The following MACROD2 variants were observed in gnomAD, a reference collection of about 807,000 sequenced individuals.
MACROD2 encodes ADP-ribose glycohydrolase MACROD2.
A neutral mutation model predicts 70.4 loss-of-function variants in MACROD2; 36 were observed. That is an observed-to-expected ratio of 0.51 (90% CI 0.39 to 0.68). The LOEUF (loss-of-function observed/expected upper bound fraction) is 0.68. Ranked by LOEUF, MACROD2 falls within the 30% of genes least tolerant of loss-of-function variation. The pLI, the probability that MACROD2 is intolerant of heterozygous loss-of-function variation, is 0.00. For missense variants in MACROD2, 496 were observed against 538.4 expected (o/e 0.92, Z 0.78); for synonymous variants, 172 against 178.8 (o/e 0.96, Z 0.30).
intron 4 of MACROD2, among the ~76,000 whole-genome samples, chr20:14,640,495 T>C (rs1985030180): frequency 6.6e-6 from 1 of 152,204 alleles, no homozygotes; most frequent in Non-Finnish European, 1.5e-5. Context: ...AGGAGCTTTA[T>C]AGTCTACTGG....
intron 3 of MACROD2, among the ~76,000 whole-genome samples, chr20:14,364,094 T>C (rs1433665187): frequency 6.6e-6 from 1 of 152,166 alleles, no homozygotes; most frequent in Non-Finnish European, 1.5e-5. Flanking sequence ...TTTCTACTTT[T>C]AGAATTCTTG....
chr20:14,204,884 A>ATCATTATCAATTATT (rs2081510416), intron 3 of MACROD2, among the ~76,000 whole-genome samples: 2 of 152,190 alleles, frequency 1.3e-5, no homozygotes, highest in African/African-American at 4.8e-5. Context: ...TCATTTTTTA[A>ATCATTATCAATTATT]AGAACTGTAG....
chr20:14,798,659 G>C (rs2072539278), intron 5 of MACROD2, among the ~76,000 whole-genome samples: 1 of 151,978 alleles, frequency 6.6e-6, no homozygotes, highest in Non-Finnish European at 1.5e-5. Context: ...TATAATTTAG[G>C]AAGTAAATTG....
chr20:15,771,801 TG>T (rs1376334313), intron 8 of MACROD2, among the ~76,000 whole-genome samples: 6 of 151,870 alleles, frequency 4.0e-5, no homozygotes, highest in African/African-American at 1.4e-4. Context: ...AAAATCTTTC[TG>T]GGCCAGGCAC....
At chr20:14,512,453 G>C (rs2085041742) in intron 4 of MACROD2, among the ~76,000 whole-genome samples, 1 of 152,100 alleles carries the variant, frequency 6.6e-6, no homozygotes, top group Admixed American at 6.6e-5. Flanking sequence ...TAGACTGAAT[G>C]AATGAAATAA....
rs150719919 is a variant in MACROD2, at chr20:14,151,127, G to T, written c.271+65399G>T. On this transcript the variant is annotated intron_variant, in intron 3 of 17. Transcript: ENST00000684519. ...GTCACTTCATGATAGTAGAAGAGTT[G>T]TGGAGGAAAGACGTTAAATCATTTG... Among the ~76,000 whole-genome samples, 434 of 152,316 alleles carry T rather than the reference G, an allele frequency of 2.8e-3. 2 individuals carry two copies. The highest frequency in any genetic ancestry group is 0.014 in the Middle Eastern group (4 of 294).
intron 5 of MACROD2, among the ~76,000 whole-genome samples, chr20:14,803,308 ATT>A (rs1345168405): frequency 6.6e-6 from 1 of 152,098 alleles, no homozygotes; most frequent in Non-Finnish European, 1.5e-5. Context: ...AGTGAAATAT[ATT>A]GGCATTTTTA....
At chr20:14,173,384 C>T (rs910096298) in intron 3 of MACROD2, among the ~76,000 whole-genome samples, 3 of 152,054 alleles carry the variant, frequency 2.0e-5, no homozygotes, top group African/African-American at 7.2e-5. Flanking sequence ...GAAGTTCTTT[C>T]TTCTACTTTT....
intron 6 of MACROD2, among the ~76,000 whole-genome samples, chr20:15,291,635 T>C (rs2077541474): frequency 6.6e-6 from 1 of 152,168 alleles, no homozygotes; most frequent in Non-Finnish European, 1.5e-5. Context: ...AACAAATGGT[T>C]AGACTGTCTT....
chr20:15,234,467 A>G (rs570389422), intron 6 of MACROD2, among the ~76,000 whole-genome samples: 3 of 152,232 alleles, frequency 2.0e-5, no homozygotes, highest in African/African-American at 7.2e-5. Flanking sequence ...AAAGAAGACC[A>G]GGGAGCCTAC....
intron 4 of MACROD2, among the ~76,000 whole-genome samples, chr20:14,551,012 T>C (rs1978617222): frequency 6.6e-6 from 1 of 152,166 alleles, no homozygotes; most frequent in Non-Finnish European, 1.5e-5. Context: ...ATGCAGAAGA[T>C]ATTCAAGTTG....
At chr20:14,846,027 G>T (rs1222260935) in intron 5 of MACROD2, among the ~76,000 whole-genome samples, 1 of 152,078 alleles carries the variant, frequency 6.6e-6, no homozygotes, top group Admixed American at 6.5e-5. Flanking sequence ...TTATCCAGGT[G>T]TTCTATGGCT....
intron 3 of MACROD2, among the ~76,000 whole-genome samples, chr20:14,318,333 G>T (rs181135113): frequency 6.6e-6 from 1 of 152,104 alleles, no homozygotes; most frequent in Non-Finnish European, 1.5e-5. Context: ...CCACACCCCC[G>T]TGGCTGCATG....
At chr20:14,988,023 C>A (rs1349147147) in intron 5 of MACROD2, among the ~76,000 whole-genome samples, 1 of 151,820 alleles carries the variant, frequency 6.6e-6, no homozygotes, top group African/African-American at 2.4e-5. Flanking sequence ...GGAAATTGGA[C>A]GATTTTGGTT....
At chr20:14,737,714 G>A (rs978411532) in intron 5 of MACROD2, among the ~76,000 whole-genome samples, 1 of 152,258 alleles carries the variant, frequency 6.6e-6, no homozygotes, top group African/African-American at 2.4e-5. Flanking sequence ...GTGATGATGA[G>A]CTTTTTTTCA....
At chr20:15,082,404 G>C (rs1211905910) in intron 5 of MACROD2, among the ~76,000 whole-genome samples, 2 of 152,100 alleles carry the variant, frequency 1.3e-5, no homozygotes, top group Non-Finnish European at 2.9e-5. Context: ...ATATAGAATG[G>C]ATTGTGGCCA....
At chr20:15,578,376 C>T (rs1449927301) in intron 8 of MACROD2, among the ~76,000 whole-genome samples, 1 of 152,146 alleles carries the variant, frequency 6.6e-6, no homozygotes, top group East Asian at 1.9e-4. Context: ...CATCTTTAAG[C>T]TTGAAATGTC....
rs191255307 is a variant in MACROD2 at position 14,037,995 on chromosome 20, A to T, written c.163+35591A>T. ...CGGGGGCGAGATAACTGTCTCAATT[A>T]AAAAACAAACAAACAAAAACCAGGC... On this transcript the variant is annotated intron_variant, in intron 2 of 17. Transcript: ENST00000684519. 2.2e-3 allele frequency among the ~76,000 whole-genome samples: 334 copies of T among 152,232 alleles called. 2 individuals are homozygous for T. Among genetic ancestry groups the T allele is most frequent in the African/African-American group, 7.6e-3 (316 of 41,556 alleles).
intron 13 of MACROD2, among the ~76,000 whole-genome samples, chr20:15,983,898 A>G (rs1326358233): frequency 6.6e-6 from 1 of 152,194 alleles, no homozygotes; most frequent in East Asian, 1.9e-4. Flanking sequence ...AGTAAAATGA[A>G]TGTTTCCTTT....
Sources: allele counts gnomAD v4.1 joint callset (sites outside exome capture counted in the v4.1 genomes callset), GRCh38; gene constraint gnomAD v4.1.1; transcripts MANE v1.5; gene names NCBI Gene and HGNC (gene_info 2026-07-23, HGNC 2026-07-21).